Variants in NEK10 observed in about 807,000 individuals in gnomAD.
The protein encoded by NEK10 is NIMA related kinase 10, also known as serine/threonine-protein kinase Nek10.
A neutral mutation model predicts 159.8 loss-of-function variants in NEK10; 122 were observed. That is an observed-to-expected ratio of 0.76 (90% CI 0.66 to 0.89). The LOEUF is 0.89. Among genes scored for constraint, NEK10 ranks in the 40% least tolerant of loss-of-function variants. The pLI is 0.00. For synonymous variants in NEK10, 466 were observed against 457.1 expected (o/e 1.02, Z -0.25); for missense variants, 1,342 against 1,323.1 (o/e 1.01, Z -0.22).
intron 26 of NEK10, among the ~76,000 whole-genome samples, chr3:27,179,713 TA>T (rs1352591651): frequency 1.3e-5 from 2 of 152,212 alleles, no homozygotes; most frequent in Non-Finnish European, 2.9e-5. Flanking sequence ...CCAATAGAAC[TA>T]AATGTATATA....
chr3:27,119,030 G>T (rs1303072548), intron 33 of NEK10, among the ~76,000 whole-genome samples: 1 of 152,158 alleles, frequency 6.6e-6, no homozygotes, highest in Non-Finnish European at 1.5e-5. Context: ...AATTATTTAG[G>T]AGTACTGAAA....
At chr3:27,238,420 T>C (rs947495169) in intron 23 of NEK10, among the ~76,000 whole-genome samples, 1 of 152,208 alleles carries the variant, frequency 6.6e-6, no homozygotes, top group African/African-American at 2.4e-5. Context: ...TTTTCTTCAT[T>C]TTCTGCAGAG....
chr3:27,287,619 T>C, intron 20 of NEK10, 79 bp downstream of exon 20: 2 of 1,448,842 alleles, frequency 1.4e-6, no homozygotes, highest in Non-Finnish European at 1.8e-6. Context: ...ATTAGGTTTC[T>C]TTTGTGACAT....
chr3:27,295,959 C>T (rs2043323171), intron 14 of NEK10, among the ~76,000 whole-genome samples: 1 of 152,020 alleles, frequency 6.6e-6, no homozygotes, highest in Admixed American at 6.6e-5. Flanking sequence ...ATTCAAATAC[C>T]TTAAAAACAA....
At chr3:27,267,673 G>A (rs1358393136) in intron 22 of NEK10, among the ~76,000 whole-genome samples, 1 of 152,134 alleles carries the variant, frequency 6.6e-6, no homozygotes, top group Non-Finnish European at 1.5e-5. Context: ...TACATTGACT[G>A]GCTGTTCCCC....
intron 29 of NEK10, among the ~76,000 whole-genome samples, chr3:27,171,475 C>T (rs1184861131): frequency 2.6e-5 from 4 of 151,958 alleles, no homozygotes; most frequent in African/African-American, 9.7e-5. Context: ...AAACCTATAC[C>T]CTGGGGATAT....
chr3:27,184,523 A>C (rs887507886), intron 26 of NEK10, among the ~76,000 whole-genome samples: 3 of 152,248 alleles, frequency 2.0e-5, no homozygotes, highest in African/African-American at 7.2e-5. Context: ...CTAGGCACCT[A>C]AAGATGTGTA....
rs34629416 is a variant in NEK10, at chr3:27,205,280, G to A, written c.2091-2723C>T. On this transcript the variant is annotated intron_variant, in intron 23 of 35. Transcript: ENST00000691995. ...TCAATATCGTGAAAATGGCCATACT[G>A]CCCAAGGTAATTTACAGATTCAATG... Among the ~76,000 whole-genome samples, 210 of 134,526 alleles carry A rather than the reference G, an allele frequency of 1.6e-3. 3 individuals are homozygous for A. Among genetic ancestry groups the A allele is most frequent in the African/African-American group, 5.4e-3 (204 of 37,816 alleles). The allele number at this position is 134,526 out of a possible 152,430, so 88.3% of individuals were successfully genotyped here. A position where few individuals can be genotyped will look rare whatever the true frequency, so the allele number is the denominator to read the frequency against.
At chr3:27,286,578 C>G (rs1007747360) in intron 20 of NEK10, among the ~76,000 whole-genome samples, 6 of 95,150 alleles carry the variant, frequency 6.3e-5, no homozygotes, top group Middle Eastern at 7.1e-3. Flanking sequence ...TAAGTAGAGA[C>G]AGGGTTTCAC....
chr3:27,159,636 AT>A (rs1435674808), intron 30 of NEK10, among the ~76,000 whole-genome samples: 1 of 152,148 alleles, frequency 6.6e-6, no homozygotes, highest in Non-Finnish European at 1.5e-5. Flanking sequence ...GGGAATTGCA[AT>A]CTATTATTTA....
At chr3:27,228,245 T>C (rs377135766) in intron 23 of NEK10, among the ~76,000 whole-genome samples, 54 of 152,324 alleles carry the variant, frequency 3.5e-4, no homozygotes, top group African/African-American at 1.3e-3. Flanking sequence ...AAAGCAAAGA[T>C]ATTAAACCAA....
chr3:27,276,302 G>T (rs2041767492), intron 22 of NEK10, among the ~76,000 whole-genome samples: 1 of 152,014 alleles, frequency 6.6e-6, no homozygotes, highest in African/African-American at 2.4e-5. Flanking sequence ...CAAGCCCAGT[G>T]TACTAAGGGG....
chr3:27,321,786 A>G (rs2045660250), intron 6 of NEK10, among the ~76,000 whole-genome samples: 1 of 152,194 alleles, frequency 6.6e-6, no homozygotes, highest in Non-Finnish European at 1.5e-5. Flanking sequence ...GCTGCCTCTC[A>G]GCCACATGAG....
At chr3:27,130,948 C>T (rs1417906943) in intron 32 of NEK10, among the ~76,000 whole-genome samples, 1 of 152,062 alleles carries the variant, frequency 6.6e-6, no homozygotes, top group Non-Finnish European at 1.5e-5. Context: ...TGTCTTTTTC[C>T]CCCATCTGTT....
At chr3:27,127,751 A>C (rs1942138946) in intron 32 of NEK10, among the ~76,000 whole-genome samples, 1 of 152,096 alleles carries the variant, frequency 6.6e-6, no homozygotes, top group Non-Finnish European at 1.5e-5. Context: ...TATTTCAAAC[A>C]CTTTTAGAGT....
At chr3:27,220,196 C>A (rs1951953618) in intron 23 of NEK10, among the ~76,000 whole-genome samples, 1 of 152,200 alleles carries the variant, frequency 6.6e-6, no homozygotes, top group African/African-American at 2.4e-5. Flanking sequence ...TGGTTTAGAA[C>A]ACACATCTTA....
At chr3:27,241,745 CTA>C (rs1954577951) in intron 23 of NEK10, among the ~76,000 whole-genome samples, 1 of 152,170 alleles carries the variant, frequency 6.6e-6, no homozygotes, top group Non-Finnish European at 1.5e-5. Flanking sequence ...GCAACCCAAA[CTA>C]AGAGACAAGA....
chr3:27,144,377 G>C (rs1944091389), intron 30 of NEK10, among the ~76,000 whole-genome samples: 1 of 152,194 alleles, frequency 6.6e-6, no homozygotes. Context: ...TGATGCTGCA[G>C]TGAATATACA....
chr3:27,219,491 C>A lies in NEK10; in HGVS notation c.2091-16934G>T, dbSNP rs1951877690. On this transcript the variant is annotated intron_variant, in intron 23 of 35. Coordinates refer to ENST00000691995, the MANE Select transcript of NEK10 (RefSeq NM_001394966.1). ...ACATCTGCTTAGCTGTATGAGATTT[C>A]TTTCTGTCTTTTCTATCTCTTTAGT... Among the ~76,000 whole-genome samples, 3 of 152,146 alleles carry A rather than the reference C, an allele frequency of 2.0e-5. No homozygotes were observed. In the South Asian group the frequency reaches 6.2e-4, roughly 31 times the overall value.
Sources: gnomAD v4.1 joint callset for allele counts (sites outside exome capture counted in the v4.1 genomes callset) on GRCh38, gnomAD v4.1.1 for gene constraint, MANE v1.5 for transcripts, NCBI Gene and HGNC (gene_info 2026-07-23, HGNC 2026-07-21) for gene names.